IQCM: variants seen among roughly 807,000 people sequenced by gnomAD.
IQCM encodes IQ motif containing M, also known as IQ domain-containing protein M.
IQCM carries 45 observed loss-of-function variants against 57.6 expected under a neutral mutation model. The ratio of observed to expected loss-of-function variants is 0.78; its 90% CI spans 0.62 to 1.00. The LOEUF (loss-of-function observed/expected upper bound fraction) is 1.00, where lower values mean the gene tolerates loss of function less well. IQCM is among the 50% of genes least tolerant of loss of function. IQCM has a pLI of 0.00. For synonymous variants in IQCM, 148 were observed against 158.9 expected (o/e 0.93, Z 0.51); for missense variants, 468 against 511.6 (o/e 0.91, Z 0.82).
Position 149,688,027 on chromosome 4 carries a change from T to C in IQCM, c.386-1559A>G, listed in dbSNP as rs545867814. On this transcript the variant is annotated intron_variant, in intron 5 of 13. Transcript: ENST00000636793. ...AGGGAAAAGTTGAAAGCATTCCTTCTGAGAACTGAAACAAGACAAGAATGC... is the reference window on the plus strand; with the variant it reads ...AGGGAAAAGTTGAAAGCATTCCTTCCGAGAACTGAAACAAGACAAGAATGC... 1.4e-4 allele frequency among the ~76,000 whole-genome samples: 21 copies of C among 152,088 alleles called. No individual in the cohort carries two copies. The East Asian group carries it at 3.9e-3, about 28-fold the overall frequency.
At chr4:149,457,449 T>G (rs887964321) in intron 12 of IQCM, among the ~76,000 whole-genome samples, 19 of 152,086 alleles carry the variant, frequency 1.2e-4, no homozygotes, top group African/African-American at 3.9e-4. Flanking sequence ...AATATGCATT[T>G]CCAGAAGAGA....
chr4:149,699,819 G>A (rs1487884368), intron 5 of IQCM, among the ~76,000 whole-genome samples: 1 of 151,650 alleles, frequency 6.6e-6, no homozygotes, highest in Non-Finnish European at 1.5e-5. Flanking sequence ...TAGACCTAGG[G>A]ACCTTTAGTT....
intron 2 of IQCM, among the ~76,000 whole-genome samples, chr4:149,777,800 G>T (rs903159119): frequency 6.6e-6 from 1 of 152,150 alleles, no homozygotes; most frequent in East Asian, 1.9e-4. Flanking sequence ...CGCTAGCTAG[G>T]GACCTCAGCA....
At chr4:149,355,942 G>A (rs1345296559) in intron 13 of IQCM, among the ~76,000 whole-genome samples, 1 of 152,088 alleles carries the variant, frequency 6.6e-6, no homozygotes, top group African/African-American at 2.4e-5. Flanking sequence ...CATTCTAACT[G>A]GTGTGAGATG....
Position 149,390,468 on chromosome 4 carries a change from T to C in IQCM, c.1391-38402A>G, listed in dbSNP as rs1396389918. ...CTAGAACATCAAGTGCAATGTTGAA[T>C]GGTAGCAGTGAGAATATCTATCCTA... On this transcript the variant is annotated intron_variant, in intron 13 of 13. Transcript: ENST00000636793. Among the ~76,000 whole-genome samples, 12 of 151,962 alleles carry C rather than the reference T, an allele frequency of 7.9e-5. No homozygotes were observed. In the East Asian group the frequency reaches 1.9e-3, roughly 25 times the overall value.
intron 13 of IQCM, among the ~76,000 whole-genome samples, chr4:149,394,496 G>A (rs930563072): frequency 2.0e-5 from 3 of 151,806 alleles, no homozygotes; most frequent in African/African-American, 4.8e-5. Context: ...GTTGTACTGC[G>A]CCTAATTTAT....
chr4:149,668,412 G>C (rs1463820074), intron 7 of IQCM, among the ~76,000 whole-genome samples: 1 of 152,072 alleles, frequency 6.6e-6, no homozygotes, highest in Non-Finnish European at 1.5e-5. Context: ...TGCCTTACAA[G>C]AGCTCCTGAA....
intron 13 of IQCM, among the ~76,000 whole-genome samples, chr4:149,411,956 C>A (rs901224052): frequency 6.6e-6 from 1 of 152,032 alleles, no homozygotes; most frequent in African/African-American, 2.4e-5. Context: ...TTAAAAGTAT[C>A]ATATAATTAA....
intron 2 of IQCM, among the ~76,000 whole-genome samples, chr4:149,756,731 A>T: frequency 6.6e-6 from 1 of 152,182 alleles, no homozygotes. Flanking sequence ...CCCAACAATC[A>T]AGAAGGGGGA....
Position 149,671,366 on chromosome 4 carries a change from TTTCTC to T in IQCM, c.565+10747_565+10751del, listed in dbSNP as rs1017318423. 4.2e-4 allele frequency among the ~76,000 whole-genome samples: 64 copies of T among 152,112 alleles called. 2 individuals are homozygous for T. The highest frequency in any genetic ancestry group is 1.4e-3 in the African/African-American group (59 of 41,534). On this transcript the variant is annotated intron_variant, in intron 7 of 13. Coordinates refer to ENST00000636793, the MANE Select transcript of IQCM (RefSeq NM_001363507.2). ...TTTTTTATTGTGTCTATTTGATTCT[TTTCTC>T]TTCTTTATTAGTCTTGCTAGCTGTC...
chr4:149,356,985 G>A (rs1048487868), intron 13 of IQCM, among the ~76,000 whole-genome samples: 2 of 152,032 alleles, frequency 1.3e-5, no homozygotes, highest in African/African-American at 4.8e-5. Flanking sequence ...GGATTCCTAG[G>A]TATTTTATTC....
At chr4:149,520,598 C>T (rs899530173) in intron 12 of IQCM, among the ~76,000 whole-genome samples, 1 of 152,046 alleles carries the variant, frequency 6.6e-6, no homozygotes, top group African/African-American at 2.4e-5. Context: ...TAAAATGTAC[C>T]ATCTCAAGGG....
intron 12 of IQCM, among the ~76,000 whole-genome samples, chr4:149,498,570 G>A (rs908953181): frequency 3.3e-5 from 5 of 152,126 alleles, no homozygotes; most frequent in African/African-American, 1.2e-4. Flanking sequence ...CAGGAACTAA[G>A]AGGGGCTATG....
At chr4:149,373,884 CACTT>C (rs1401925946) in intron 13 of IQCM, among the ~76,000 whole-genome samples, 1 of 152,086 alleles carries the variant, frequency 6.6e-6, no homozygotes. Flanking sequence ...TAGCTACACT[CACTT>C]AAGATTCAGA....
intron 7 of IQCM, among the ~76,000 whole-genome samples, chr4:149,671,773 T>C (rs1308232754): frequency 2.0e-5 from 3 of 152,174 alleles, no homozygotes; most frequent in Non-Finnish European, 2.9e-5. Context: ...TCAGTTTCCA[T>C]GTAGTTGAGC....
intron 8 of IQCM, among the ~76,000 whole-genome samples, chr4:149,591,161 T>C (rs539736345): frequency 2.6e-5 from 4 of 152,226 alleles, no homozygotes; most frequent in African/African-American, 9.6e-5. Flanking sequence ...ACCAAGCTTC[T>C]GATAATTTAC....
At chr4:149,652,498 A>G (rs572130775) in intron 7 of IQCM, among the ~76,000 whole-genome samples, 11 of 152,228 alleles carry the variant, frequency 7.2e-5, no homozygotes, top group Non-Finnish European at 1.5e-4. Context: ...ATAAAAACCA[A>G]AAAGATTTTG....
At chr4:149,654,354 CAG>C (rs1206994947) in intron 7 of IQCM, among the ~76,000 whole-genome samples, 1 of 152,072 alleles carries the variant, frequency 6.6e-6, no homozygotes, top group Non-Finnish European at 1.5e-5. Flanking sequence ...CCTCATGACT[CAG>C]TGCTCTCCTC....
intron 13 of IQCM, among the ~76,000 whole-genome samples, chr4:149,388,249 G>A (rs1362602466): frequency 6.6e-6 from 1 of 151,570 alleles, no homozygotes; most frequent in African/African-American, 2.4e-5. Context: ...ATCCTTTCAA[G>A]GAAGTACAAA....
Sources: allele counts gnomAD v4.1 joint callset (sites outside exome capture counted in the v4.1 genomes callset), GRCh38; gene constraint gnomAD v4.1.1; transcripts MANE v1.5; gene names NCBI Gene and HGNC (gene_info 2026-07-23, HGNC 2026-07-21).